The following SETBP1 variants were observed in gnomAD, a reference collection of about 807,000 sequenced individuals.
SETBP1 encodes SET binding protein 1.
SETBP1 carries 9 observed loss-of-function variants against 101.0 expected under a neutral mutation model. The observed-to-expected ratio is 0.09, with a 90% confidence interval of 0.05 to 0.16. The LOEUF (loss-of-function observed/expected upper bound fraction) is 0.16. SETBP1 is among the 10% of genes least tolerant of loss of function. The probability of loss-of-function intolerance (pLI) is 1.00; values close to 1 mark genes in which losing one functional copy is unlikely to be tolerated. For synonymous variants in SETBP1, 818 were observed against 788.5 expected (o/e 1.04, Z -0.63); for missense variants, 1,858 against 2,033.8 (o/e 0.91, Z 1.66).
chr18:44,746,751 TATC>T (rs1321265435), intron 2 of SETBP1, among the ~76,000 whole-genome samples: 1 of 152,218 alleles, frequency 6.6e-6, no homozygotes. Context: ...TGGCAATTAA[TATC>T]ATGCATGGGA....
At position 44,832,697 on chromosome 18, in the gene SETBP1, A is replaced by C. The variant is rs540497370; in HGVS notation, c.487-36533A>C. ...CCTCTGAGGCAGGGCTGATGGGCCCACCAGGTTCTCATTACAGGGGCCTGG... is the reference window on the plus strand; with the variant it reads ...CCTCTGAGGCAGGGCTGATGGGCCCCCCAGGTTCTCATTACAGGGGCCTGG... On this transcript the variant is annotated intron_variant, in intron 2 of 5. Coordinates refer to ENST00000649279, the MANE Select transcript of SETBP1 (RefSeq NM_015559.3). 2.6e-5 allele frequency among the ~76,000 whole-genome samples: 4 copies of C among 152,198 alleles called. No homozygotes were observed. The South Asian group carries it at 8.3e-4, about 32-fold the overall frequency.
intron 2 of SETBP1, among the ~76,000 whole-genome samples, chr18:44,837,256 G>A (rs1009531384): frequency 1.3e-5 from 2 of 152,202 alleles, no homozygotes; most frequent in African/African-American, 4.8e-5. Context: ...GAATAAGAGT[G>A]CTTCATTCTG....
At chr18:44,955,912 C>G (rs2071471129) in intron 4 of SETBP1, among the ~76,000 whole-genome samples, 1 of 152,200 alleles carries the variant, frequency 6.6e-6, no homozygotes, top group Non-Finnish European at 1.5e-5. Context: ...TTATTCAATT[C>G]CTGACCAATG....
At chr18:44,975,865 T>C (rs1287272478) in intron 4 of SETBP1, among the ~76,000 whole-genome samples, 3 of 152,096 alleles carry the variant, frequency 2.0e-5, no homozygotes, top group South Asian at 2.1e-4. Context: ...AAATTAAAAA[T>C]GCCAAAATCA....
chr18:44,989,855 C>A (rs1338963456), intron 4 of SETBP1, among the ~76,000 whole-genome samples: 46 of 91,804 alleles, frequency 5.0e-4, no homozygotes, highest in Non-Finnish European at 8.0e-4. Context: ...GGCGACAGAG[C>A]GAGACTCCGT....
intron 2 of SETBP1, among the ~76,000 whole-genome samples, chr18:44,862,493 G>A (rs139392219): frequency 1.3e-4 from 20 of 152,218 alleles, no homozygotes; most frequent in South Asian, 8.3e-4. Flanking sequence ...CCACCCCCGC[G>A]GTCTCTACAC....
intron 4 of SETBP1, among the ~76,000 whole-genome samples, chr18:44,993,067 T>C (rs984323227): frequency 6.6e-6 from 1 of 152,058 alleles, no homozygotes; most frequent in Admixed American, 6.5e-5. Context: ...CAAATGATTA[T>C]GTCAATTGAT....
At chr18:44,879,445 T>C (rs917409445) in intron 3 of SETBP1, among the ~76,000 whole-genome samples, 2 of 152,176 alleles carry the variant, frequency 1.3e-5, no homozygotes, top group Non-Finnish European at 2.9e-5. Context: ...GTCTGGCATC[T>C]AGTAAACACT....
chr18:44,935,529 A>C (rs533220668), intron 3 of SETBP1, among the ~76,000 whole-genome samples: 5 of 152,258 alleles, frequency 3.3e-5, no homozygotes, highest in Admixed American at 6.5e-5. Flanking sequence ...CTCCACCCTG[A>C]GACAAAGCTG....
chr18:44,804,365 G>A (rs544917564), intron 2 of SETBP1, among the ~76,000 whole-genome samples: 15 of 152,246 alleles, frequency 9.9e-5, no homozygotes, highest in Non-Finnish European at 1.6e-4. Flanking sequence ...TTCAAATCAT[G>A]TGAACCTCAT....
chr18:44,919,803 A>G (rs947662258), intron 3 of SETBP1, among the ~76,000 whole-genome samples: 3 of 152,002 alleles, frequency 2.0e-5, no homozygotes, highest in Non-Finnish European at 4.4e-5. Flanking sequence ...ATACACACAT[A>G]TGCATATACA....
intron 2 of SETBP1, among the ~76,000 whole-genome samples, chr18:44,807,907 C>T (rs576629437): frequency 6.6e-6 from 1 of 152,146 alleles, no homozygotes; most frequent in Non-Finnish European, 1.5e-5. Flanking sequence ...GGTCCTGAGG[C>T]TGCACAGCCA....
At chr18:45,009,591 C>T (rs939982026) in intron 4 of SETBP1, among the ~76,000 whole-genome samples, 2 of 151,900 alleles carry the variant, frequency 1.3e-5, no homozygotes, top group African/African-American at 4.8e-5. Flanking sequence ...TTTTTTATGA[C>T]TCCAGGAGGG....
intron 4 of SETBP1, among the ~76,000 whole-genome samples, chr18:45,011,099 T>C (rs1329400598): frequency 6.6e-6 from 1 of 152,196 alleles, no homozygotes; most frequent in Admixed American, 6.5e-5. Flanking sequence ...GTCTACAATC[T>C]GTTAAGGGTA....
At chr18:44,744,882 A>C (rs575666310) in intron 2 of SETBP1, among the ~76,000 whole-genome samples, 204 of 151,988 alleles carry the variant, frequency 1.3e-3, no homozygotes, top group African/African-American at 4.7e-3. Flanking sequence ...CGATTCTGAG[A>C]AGATTCAGGG....
chr18:44,693,904 T>C (rs1198485688), intron 1 of SETBP1, among the ~76,000 whole-genome samples: 1 of 152,162 alleles, frequency 6.6e-6, no homozygotes, highest in East Asian at 1.9e-4. Context: ...TCTCAAAGAC[T>C]ATAGCTCTCA....
chr18:44,807,776 C>T (rs1469889677), intron 2 of SETBP1, among the ~76,000 whole-genome samples: 2 of 152,128 alleles, frequency 1.3e-5, no homozygotes, highest in African/African-American at 4.8e-5. Context: ...TTTCCAGCCT[C>T]AGAGGAGACC....
intron 3 of SETBP1, among the ~76,000 whole-genome samples, chr18:44,926,489 A>G (rs1023436730): frequency 6.6e-6 from 1 of 152,192 alleles, no homozygotes; most frequent in Non-Finnish European, 1.5e-5. Flanking sequence ...GGCATGACAC[A>G]GTGGTCCCTC....
intron 3 of SETBP1, among the ~76,000 whole-genome samples, chr18:44,941,404 C>A (rs1040360915): frequency 6.6e-6 from 1 of 152,000 alleles, no homozygotes; most frequent in African/African-American, 2.4e-5. Flanking sequence ...TATAAATAAT[C>A]TCTTTCTTCT....
Sources: gnomAD v4.1 joint callset for allele counts (sites outside exome capture counted in the v4.1 genomes callset) on GRCh38, gnomAD v4.1.1 for gene constraint, MANE v1.5 for transcripts, NCBI Gene and HGNC (gene_info 2026-07-23, HGNC 2026-07-21) for gene names.